GPRC5A: variants seen among roughly 807,000 people sequenced by gnomAD.
GPRC5A encodes retinoic acid-induced protein 3.
GPRC5A carries 19 observed loss-of-function variants against 22.5 expected under a neutral mutation model. The ratio of observed to expected loss-of-function variants is 0.85; its 90% confidence interval spans 0.59 to 1.24. GPRC5A has a LOEUF of 1.24. Among genes scored for constraint, GPRC5A ranks in the 50% most tolerant of loss-of-function variants. The probability of loss-of-function intolerance (pLI) is 0.00; values close to 1 mark genes in which losing one functional copy is unlikely to be tolerated. For synonymous variants in GPRC5A, 192 were observed against 184.5 expected (o/e 1.04, Z -0.33); for missense variants, 471 against 451.1 (o/e 1.04, Z -0.40).
intron 2 of GPRC5A, among the ~76,000 whole-genome samples, chr12:12,911,117 C>T (rs1034106974): frequency 6.6e-5 from 10 of 152,090 alleles, no homozygotes; most frequent in Admixed American, 2.0e-4. Context: ...ATGATCCGCC[C>T]GCCTAGGCCT....
intron 1 of GPRC5A, among the ~76,000 whole-genome samples, chr12:12,903,180 A>G (rs1863907453): frequency 6.6e-6 from 1 of 152,190 alleles, no homozygotes; most frequent in Non-Finnish European, 1.5e-5. Flanking sequence ...AATGCAGACG[A>G]AGCAAAATTG....
At chr12:12,899,948 T>C (rs1489222784) in intron 1 of GPRC5A, among the ~76,000 whole-genome samples, 3 of 152,182 alleles carry the variant, frequency 2.0e-5, no homozygotes, top group Non-Finnish European at 2.9e-5. Flanking sequence ...AGAATAAGCA[T>C]GGGCAAACTT....
chr12:12,892,183 T>C (rs986008058), intron 1 of GPRC5A: 3 of 152,220 alleles, frequency 2.0e-5, no homozygotes, highest in Non-Finnish European at 4.4e-5. Context: ...CCCTTTTCTC[T>C]TGATGTGTGG....
chr12:12,909,068 C>A lies in GPRC5A; in HGVS notation c.819C>A (p.Asn273Lys). Reference protein sequence around the residue: ...PEFWLLTKQRNPMDYPVEDAF... With the variant: ...PEFWLLTKQRKPMDYPVEDAF... ...TTTGGCTGCTCACAAAGCAACGAAA[C>A]CCCATGGATTATCCTGTTGAGGATG... Residue 273 changes from asparagine to lysine, a missense_variant, in exon 2 of 4, where the codon AAC becomes AAA. Transcript: ENST00000014914. The A allele has an allele frequency of 6.2e-7, 1 of 1,608,054 alleles. No individual in the cohort carries two copies. Among genetic ancestry groups the A allele is most frequent in the Non-Finnish European group, 8.5e-7 (1 of 1,179,814 alleles).
chr12:12,893,844 C>T (rs1863792089), intron 1 of GPRC5A, among the ~76,000 whole-genome samples: 1 of 152,182 alleles, frequency 6.6e-6, no homozygotes, highest in Non-Finnish European at 1.5e-5. Flanking sequence ...ACCTCTGCCT[C>T]CCGGTTTCAA....
chr12:12,901,826 G>T (rs1863891186), intron 1 of GPRC5A, among the ~76,000 whole-genome samples: 1 of 151,634 alleles, frequency 6.6e-6, no homozygotes, highest in African/African-American at 2.4e-5. Context: ...GAAGGGTGGG[G>T]TCCATTTGGT....
chr12:12,906,847 CG>C, intron 1 of GPRC5A, among the ~76,000 whole-genome samples: 1 of 151,830 alleles, frequency 6.6e-6, no homozygotes, highest in South Asian at 2.1e-4. Context: ...AACCTGAGGT[CG>C]GGAGTTTGAG....
rs749861557 is a variant in GPRC5A at position 12,908,815 on chromosome 12, C to T, written c.566C>T (p.Ala189Val). ...CTCACCTACGTCCTCTTCTTGATGG[C>T]GCTGACCTTCCTCATGTCCTCCTTC... ...LLLTYVLFLMALTFLMSSFTF... is the reference protein window; with the variant it reads ...LLLTYVLFLMVLTFLMSSFTF... The change falls in exon 2 of 4, where the codon GCG (alanine) becomes GTG (valine). Residue 189 changes from alanine to valine, a missense_variant. Ala to Val is a moderately conservative substitution (Grantham distance 64). Coordinates refer to ENST00000014914, the MANE Select transcript of GPRC5A (RefSeq NM_003979.4). 1.5e-5 allele frequency: 24 copies of T among 1,613,952 alleles called. No individual in the cohort carries two copies. The highest frequency in any genetic ancestry group is 5.0e-5 in the Admixed American group (3 of 60,012).
chr12:12,893,676 G>A (rs1863789263), intron 1 of GPRC5A, among the ~76,000 whole-genome samples: 1 of 152,176 alleles, frequency 6.6e-6, no homozygotes, highest in South Asian at 2.1e-4. Flanking sequence ...AGTAGAGATG[G>A]CAAACTATGG....
intron 1 of GPRC5A, among the ~76,000 whole-genome samples, chr12:12,901,124 A>C (rs894588927): frequency 2.6e-5 from 4 of 152,098 alleles, no homozygotes; most frequent in African/African-American, 9.7e-5. Context: ...CCTCATACTC[A>C]AAGTCCTTTG....
intron 1 of GPRC5A, among the ~76,000 whole-genome samples, chr12:12,904,187 G>T (rs571034452): frequency 6.6e-6 from 1 of 152,168 alleles, no homozygotes; most frequent in South Asian, 2.1e-4. Flanking sequence ...CCACATTCAC[G>T]GTGTAGCCTG....
rs1555104694 is a variant in GPRC5A at position 12,900,902 on chromosome 12, A to AAC, written c.-7-7340_-7-7339insCA. The stretch of plus-strand genomic sequence containing the variant: ...TAAAAACTCCGTCTCAAAAAAAAAA[A>AAC]AAAAAAAAAAACAAAAAAAAAACAA... On this transcript the variant is annotated intron_variant, in intron 1 of 3. Coordinates refer to ENST00000014914, the MANE Select transcript of GPRC5A (RefSeq NM_003979.4). 3.0e-4 allele frequency among the ~76,000 whole-genome samples: 41 copies of AAC among 137,036 alleles called. No homozygotes were observed. The South Asian group carries it at 7.6e-3, about 25-fold the overall frequency. The allele number at this position is 137,036 out of a possible 152,430, so 89.9% of individuals were successfully genotyped here. A position where few individuals can be genotyped will look rare whatever the true frequency, so the allele number is the denominator to read the frequency against.
rs1864072074 is a variant in GPRC5A at position 12,917,160 on chromosome 12, G to A, written c.*4621G>A. 6.6e-6 allele frequency: 1 copy of A among 152,310 alleles called. No individual in the cohort carries two copies. Among genetic ancestry groups the A allele is most frequent in the South Asian group, 2.1e-4 (1 of 4,812 alleles). 9.4% of individuals were successfully genotyped at this position (152,310 alleles called of 1,614,324 possible). On this transcript the variant is annotated 3_prime_UTR_variant, in exon 4 of 4. Coordinates refer to ENST00000014914, the MANE Select transcript of GPRC5A (RefSeq NM_003979.4). ...TTCTGGAATTCCTTCTATCGGGGCA[G>A]ACAGTGCTGTGCCTTTCTTGACTTC...
At chr12:12,896,528 GT>G (rs1863824507) in intron 1 of GPRC5A, among the ~76,000 whole-genome samples, 1 of 152,132 alleles carries the variant, frequency 6.6e-6, no homozygotes, top group Non-Finnish European at 1.5e-5. Context: ...CTCAGCCTGG[GT>G]AGAAATACGA....
chr12:12,900,165 C>T (rs949193428), intron 1 of GPRC5A, among the ~76,000 whole-genome samples: 6 of 152,196 alleles, frequency 3.9e-5, no homozygotes, highest in African/African-American at 1.4e-4. Context: ...GTGGGCAGTC[C>T]CTTGCTGTGT....
In GPRC5A at chr12:12,912,463, A is replaced by G; in HGVS notation, c.998A>G (p.Lys333Arg). The change falls in exon 4 of 4, where the codon AAG becomes AGG. Residue 333 changes from lysine (K) to arginine (R), a missense_variant. By Grantham distance (26) the Lys-to-Arg change is conservative (BLOSUM62 2). Transcript: ENST00000014914. ...HFQLQNQPPQ[K>R]EFSIPRAHAW... ...CCTTTTCAGAACCAGCCTCCCCAAA[A>G]GGAATTCTCCATCCCACGGGCCCAC... 1 of 1,611,454 alleles carries G rather than the reference A, an allele frequency of 6.2e-7. No individual in the cohort carries two copies. The highest frequency in any genetic ancestry group is 8.5e-7 in the Non-Finnish European group (1 of 1,177,518).
chr12:12,904,110 CAGTG>C (rs973551752), intron 1 of GPRC5A, among the ~76,000 whole-genome samples: 1 of 152,084 alleles, frequency 6.6e-6, no homozygotes, highest in Admixed American at 6.5e-5. Context: ...TGGAGAGACA[CAGTG>C]AAGTGCACAG....
At chr12:12,912,334 G>C (rs1565466029) in intron 3 of GPRC5A, 113 bp from the exon 4 acceptor site, 1 of 861,646 alleles carries the variant, frequency 1.2e-6, no homozygotes, top group Middle Eastern at 2.2e-4. Context: ...AGAGGACTTG[G>C]GGGTGGGAGG....
At chr12:12,898,066 T>A (rs1217382781) in intron 1 of GPRC5A, among the ~76,000 whole-genome samples, 1 of 151,986 alleles carries the variant, frequency 6.6e-6, no homozygotes, top group Non-Finnish European at 1.5e-5. Flanking sequence ...AGCCCAAACC[T>A]CTCCTGAGCA....
Sources: gnomAD v4.1 joint callset for allele counts (sites outside exome capture counted in the v4.1 genomes callset) on GRCh38, gnomAD v4.1.1 for gene constraint, MANE v1.5 for transcripts, NCBI Gene and HGNC (gene_info 2026-07-23, HGNC 2026-07-21) for gene names.